STK32C: variants seen among roughly 807,000 people sequenced by gnomAD.
STK32C encodes serine/threonine kinase 32C.
In STK32C, 31 loss-of-function variants were observed where a neutral mutation model predicts 56.5. That is an observed-to-expected ratio of 0.55 (90% confidence interval 0.41 to 0.74). The LOEUF (loss-of-function observed/expected upper bound fraction) is 0.74. STK32C is among the 30% of genes least tolerant of loss of function. The pLI is 0.00. For synonymous variants in STK32C, 309 were observed against 289.4 expected (o/e 1.07, Z -0.69); for missense variants, 544 against 676.9 (o/e 0.80, Z 2.18).
intron 2 of STK32C, among the ~76,000 whole-genome samples, chr10:132,230,754 C>T (rs566352262): frequency 3.3e-5 from 5 of 151,442 alleles, no homozygotes; most frequent in East Asian, 4.0e-4. Context: ...CGTCTTCAGC[C>T]GGTCCCAAGC....
chr10:132,284,098 T>C (rs2065301605), intron 1 of STK32C, among the ~76,000 whole-genome samples: 2 of 151,828 alleles, frequency 1.3e-5, no homozygotes, highest in African/African-American at 4.9e-5. Context: ...TGAGCAGAGC[T>C]GGCCAACTGA....
chr10:132,267,085 C>A (rs2064564776), intron 1 of STK32C, among the ~76,000 whole-genome samples: 2 of 152,226 alleles, frequency 1.3e-5, no homozygotes, highest in African/African-American at 2.4e-5. Context: ...GCAGCCCCTT[C>A]CAGCCTGTCC....
chr10:132,256,938 C>G (rs1043048330), intron 1 of STK32C, among the ~76,000 whole-genome samples: 4 of 152,170 alleles, frequency 2.6e-5, no homozygotes, highest in Non-Finnish European at 5.9e-5. Context: ...GTGGGGGGGA[C>G]GCTGGCCACA....
intron 1 of STK32C, among the ~76,000 whole-genome samples, chr10:132,276,212 C>G (rs1052272895): frequency 6.6e-6 from 1 of 152,178 alleles, no homozygotes; most frequent in African/African-American, 2.4e-5. Flanking sequence ...ATGACCGCAG[C>G]AGAAAAACCA....
chr10:132,275,302 C>T (rs1438699831), intron 1 of STK32C, among the ~76,000 whole-genome samples: 2 of 152,172 alleles, frequency 1.3e-5, no homozygotes, highest in Admixed American at 6.5e-5. Flanking sequence ...GCTGGGACCC[C>T]CGGGGAAGAT....
At chr10:132,291,105 T>A (rs118051326) in intron 1 of STK32C, among the ~76,000 whole-genome samples, 1 of 152,168 alleles carries the variant, frequency 6.6e-6, no homozygotes, top group African/African-American at 2.4e-5. Flanking sequence ...CCACTGCACA[T>A]AGAAGAGAAG....
intron 11 of STK32C, 61 bp downstream of exon 11, chr10:132,208,973 T>C: frequency 6.5e-7 from 1 of 1,549,574 alleles, no homozygotes; most frequent in Admixed American, 1.7e-5. Context: ...AAGAAAACCT[T>C]AACCTTAGCC....
intron 1 of STK32C, among the ~76,000 whole-genome samples, chr10:132,296,049 C>G (rs2065736251): frequency 6.7e-6 from 1 of 149,874 alleles, no homozygotes; most frequent in African/African-American, 2.5e-5. Flanking sequence ...TCACCAGTGA[C>G]AGGGCCAGCA....
rs148821796 is a variant in STK32C, at chr10:132,267,015, C to T, written c.263-21060G>A. Among the ~76,000 whole-genome samples, 1,402 of 152,296 alleles carry T rather than the reference C, an allele frequency of 9.2e-3. 21 individuals carry two copies. The highest frequency in any genetic ancestry group is 0.031 in the African/African-American group (1,291 of 41,556). Reference sequence around the variant, plus strand: ...TGTTGGGAGCTCGGCCGTCACTGAGCGGGCAGCCCCCGCCCACCCCGCTGC... The same window carrying T: ...TGTTGGGAGCTCGGCCGTCACTGAGTGGGCAGCCCCCGCCCACCCCGCTGC... On this transcript the variant is annotated intron_variant, in intron 1 of 11. Coordinates refer to ENST00000298630, the MANE Select transcript of STK32C (RefSeq NM_173575.4).
At chr10:132,267,655 A>ATG (rs1305606968) in intron 1 of STK32C, among the ~76,000 whole-genome samples, 25 of 71,804 alleles carry the variant, frequency 3.5e-4, no homozygotes, top group South Asian at 9.8e-4. Flanking sequence ...GTCCCACATC[A>ATG]TGTGTGTGTG....
At chr10:132,284,385 G>GGGGGCAGGTGAGGTTGCA (rs1236269591) in intron 1 of STK32C, among the ~76,000 whole-genome samples, 5 of 34,330 alleles carry the variant, frequency 1.5e-4, no homozygotes, top group Non-Finnish European at 2.0e-4. Flanking sequence ...GTGAGGTTGG[G>GGGGGCAGGTGAGGTTGCA]GGGGCAGGTG....
At chr10:132,324,244 C>A (rs769386723) in exon 2 of STK32C, 1 of 779,634 alleles carries the variant, frequency 1.3e-6, no homozygotes, top group Non-Finnish European at 2.4e-6. Flanking sequence ...TTACACACCC[C>A]CTCTTGATGG....
chr10:132,271,929 C>T (rs975302034), intron 1 of STK32C, among the ~76,000 whole-genome samples: 3 of 152,224 alleles, frequency 2.0e-5, no homozygotes, highest in Admixed American at 1.3e-4. Context: ...AGTGCCCGGA[C>T]GCCCGGACCT....
intron 1 of STK32C, among the ~76,000 whole-genome samples, chr10:132,273,850 A>AGTGAGTGAATG (rs74313803): frequency 0.38 from 52,464 of 138,756 alleles, 9,634 homozygotes; most frequent in African/African-American, 0.49. Context: ...ATGAACGCAC[A>AGTGAGTGAATG]GTGAGTGAAT....
chr10:132,211,332 G>T (rs998725468), intron 10 of STK32C, among the ~76,000 whole-genome samples: 1 of 152,202 alleles, frequency 6.6e-6, no homozygotes, highest in Non-Finnish European at 1.5e-5. Context: ...GGGAGGGGCT[G>T]GGGTGGGCGC....
At chr10:132,223,044 C>T (rs1005176710) in intron 8 of STK32C, 58 bp from the exon 9 acceptor site, 7 of 1,518,844 alleles carry the variant, frequency 4.6e-6, no homozygotes, top group Non-Finnish European at 6.2e-6. Context: ...CACGGAATAG[C>T]CCGCCACCCC....
chr10:132,224,284 G>A, intron 8 of STK32C, 123 bp downstream of exon 8: 1 of 725,558 alleles, frequency 1.4e-6, no homozygotes, highest in African/African-American at 1.7e-5. Context: ...TTGCAGTGAA[G>A]GGATCTGTGC....
intron 1 of STK32C, among the ~76,000 whole-genome samples, chr10:132,317,297 A>C (rs996443835): frequency 4.6e-5 from 7 of 152,238 alleles, no homozygotes; most frequent in African/African-American, 1.7e-4. Flanking sequence ...AGAAGAAAAC[A>C]CAGGGGAAAA....
chr10:132,226,101 C>G (rs1028076738), intron 4 of STK32C, among the ~76,000 whole-genome samples: 4 of 152,238 alleles, frequency 2.6e-5, no homozygotes, highest in African/African-American at 9.6e-5. Flanking sequence ...CTCCAAGACT[C>G]GGCCTCTAGG....
Sources: gnomAD v4.1 joint callset for allele counts (sites outside exome capture counted in the v4.1 genomes callset) on GRCh38, gnomAD v4.1.1 for gene constraint, MANE v1.5 for transcripts, NCBI Gene and HGNC (gene_info 2026-07-23, HGNC 2026-07-21) for gene names.